The following IMMP2L variants were observed in gnomAD, a reference collection of about 807,000 sequenced individuals.
IMMP2L encodes the protein inner mitochondrial membrane peptidase subunit 2, also known as mitochondrial inner membrane protease subunit 2.
In IMMP2L, 18 loss-of-function variants were observed where a neutral mutation model predicts 19.3. The ratio of observed to expected loss-of-function variants is 0.93; its 90% CI spans 0.64 to 1.38. IMMP2L has a LOEUF of 1.38. Among genes scored for constraint, IMMP2L ranks in the 40% most tolerant of loss-of-function variants. The pLI, the probability that IMMP2L is intolerant of heterozygous loss-of-function variation, is 0.00. For missense variants in IMMP2L, 233 were observed against 218.2 expected (o/e 1.07, Z -0.43); for synonymous variants, 76 against 73.0 (o/e 1.04, Z -0.21).
intron 5 of IMMP2L, among the ~76,000 whole-genome samples, chr7:110,852,536 C>A (rs1471341127): frequency 1.3e-5 from 2 of 151,970 alleles, no homozygotes; most frequent in Non-Finnish European, 2.9e-5. Flanking sequence ...ATGTGCCAAT[C>A]CTCCCTTCAG....
At chr7:111,404,254 A>G (rs923060254) in intron 3 of IMMP2L, among the ~76,000 whole-genome samples, 26 of 152,166 alleles carry the variant, frequency 1.7e-4, no homozygotes, top group Admixed American at 1.3e-4. Context: ...GGTCACCACA[A>G]GAAGCTGAAA....
intron 3 of IMMP2L, among the ~76,000 whole-genome samples, chr7:111,250,402 T>C (rs753561306): frequency 6.6e-6 from 1 of 152,166 alleles, no homozygotes; most frequent in Non-Finnish European, 1.5e-5. Flanking sequence ...TAGAAGAAAC[T>C]ATTTTAAAAT....
At chr7:111,167,195 C>T (rs954453828) in intron 3 of IMMP2L, among the ~76,000 whole-genome samples, 1 of 151,954 alleles carries the variant, frequency 6.6e-6, no homozygotes, top group African/African-American at 2.4e-5. Flanking sequence ...ATGAACCACA[C>T]CTGCTCTCAT....
chr7:111,157,217 A>AC (rs1419959474), intron 3 of IMMP2L, among the ~76,000 whole-genome samples: 2 of 152,046 alleles, frequency 1.3e-5, no homozygotes, highest in Non-Finnish European at 2.9e-5. Context: ...CAGTACTCCC[A>AC]CTGCTGGGTA....
chr7:110,903,744 T>C lies in IMMP2L; in HGVS notation c.306-17049A>G, dbSNP rs554156589. On this transcript the variant is annotated intron_variant, in intron 4 of 5. Transcript: ENST00000405709. ...GAGTGCATATATTTCTTTAAGATGC[T>C]GATGCTGGATCATATAGTAGCTCTG... 2.7e-4 allele frequency among the ~76,000 whole-genome samples: 41 copies of C among 152,262 alleles called. 2 individuals carry two copies. The highest frequency in any genetic ancestry group is 8.7e-4 in the African/African-American group (36 of 41,544).
chr7:110,779,098 C>T (rs1528041), intron 5 of IMMP2L, among the ~76,000 whole-genome samples: 75,535 of 151,652 alleles, frequency 0.5, 19,236 homozygotes, highest in African/African-American at 0.6. Flanking sequence ...TACATTTTAA[C>T]AATCAATCAA....
At chr7:111,060,399 C>T (rs1793914300) in intron 3 of IMMP2L, among the ~76,000 whole-genome samples, 1 of 152,150 alleles carries the variant, frequency 6.6e-6, no homozygotes, top group South Asian at 2.1e-4. Flanking sequence ...TATAAATCTA[C>T]AAAATGAAAT....
chr7:110,939,770 C>T (rs1816534155), intron 4 of IMMP2L, among the ~76,000 whole-genome samples: 1 of 152,122 alleles, frequency 6.6e-6, no homozygotes, highest in African/African-American at 2.4e-5. Context: ...ATTGCATCAA[C>T]AATAGAACAT....
At chr7:111,204,885 T>C (rs1810535493) in intron 3 of IMMP2L, among the ~76,000 whole-genome samples, 1 of 152,224 alleles carries the variant, frequency 6.6e-6, no homozygotes, top group African/African-American at 2.4e-5. Flanking sequence ...AGTGTGACAA[T>C]ATAGTAATCA....
intron 3 of IMMP2L, among the ~76,000 whole-genome samples, chr7:111,237,621 TACTATG>T (rs1415256654): frequency 9.2e-5 from 14 of 151,920 alleles, no homozygotes; most frequent in African/African-American, 3.1e-4. Flanking sequence ...AATAAAGCAT[TACTATG>T]ACTATAATAT....
Position 111,091,672 on chromosome 7 carries a change from T to C in IMMP2L, c.240-128107A>G, listed in dbSNP as rs1796880101. On this transcript the variant is annotated intron_variant, in intron 3 of 5. Transcript: ENST00000405709. ...AAGAAATTCACATGCAAAACCCAGC[T>C]GGCTCTGTGTGTGCCTAGCTGTGTT... 2.0e-5 allele frequency among the ~76,000 whole-genome samples: 3 copies of C among 152,144 alleles called. No individual in the cohort carries two copies. The South Asian group carries it at 6.2e-4, about 31-fold the overall frequency.
intron 1 of IMMP2L, among the ~76,000 whole-genome samples, chr7:111,529,792 G>C (rs4730489): frequency 0.44 from 66,132 of 151,928 alleles, 14,847 homozygotes; most frequent in Non-Finnish European, 0.5. Context: ...TGGATACTAA[G>C]AGAAGAGAGG....
chr7:111,488,165 T>C (rs1405821323), intron 2 of IMMP2L, among the ~76,000 whole-genome samples: 1 of 152,186 alleles, frequency 6.6e-6, no homozygotes, highest in Non-Finnish European at 1.5e-5. Context: ...GATAGCCTTT[T>C]CACTGTTTTT....
intron 4 of IMMP2L, among the ~76,000 whole-genome samples, chr7:110,891,650 G>A (rs1327932347): frequency 6.6e-6 from 1 of 151,968 alleles, no homozygotes; most frequent in African/African-American, 2.4e-5. Flanking sequence ...AAAGTATAAA[G>A]GGAATTAAAT....
intron 3 of IMMP2L, among the ~76,000 whole-genome samples, chr7:111,405,616 G>T (rs1385346261): frequency 6.6e-6 from 1 of 152,052 alleles, no homozygotes; most frequent in Non-Finnish European, 1.5e-5. Flanking sequence ...TTGAAGTGAG[G>T]AGAAACATAA....
At position 111,542,167 on chromosome 7, in the gene IMMP2L, A is replaced by C. The variant is rs900644054; in HGVS notation, c.-3+19684T>G. Among the ~76,000 whole-genome samples the C allele has an allele frequency of 3.3e-5, 5 of 152,134 alleles. 1 individual carries two copies. Among genetic ancestry groups the C allele is most frequent in the Admixed American group, 3.3e-4 (5 of 15,278 alleles). On this transcript the variant is annotated intron_variant, in intron 1 of 5. Coordinates refer to ENST00000405709, the MANE Select transcript of IMMP2L (RefSeq NM_032549.4). ...TTGTTTCATTTTTAATAGAGTGATT[A>C]GCCATTCACAAAAATCAGTCAATAT...
intron 1 of IMMP2L, among the ~76,000 whole-genome samples, chr7:111,545,145 A>T (rs1282049501): frequency 6.6e-6 from 1 of 151,942 alleles, no homozygotes; most frequent in Admixed American, 6.6e-5. Flanking sequence ...TTAAATATTA[A>T]TTTTTTTTAA....
intron 3 of IMMP2L, among the ~76,000 whole-genome samples, chr7:111,178,179 G>A (rs1489734457): frequency 2.0e-5 from 3 of 151,970 alleles, no homozygotes; most frequent in Non-Finnish European, 2.9e-5. Context: ...AATAAAGCAA[G>A]TCATATAAAT....
Position 111,191,789 on chromosome 7 carries a change from T to C in IMMP2L, c.240-228224A>G, listed in dbSNP as rs1282857895. 1.3e-5 allele frequency among the ~76,000 whole-genome samples: 2 copies of C among 152,076 alleles called. 1 individual carries two copies. Among genetic ancestry groups the C allele is most frequent in the African/African-American group, 4.8e-5 (2 of 41,400 alleles). ...AGGGCACTTCAAGTTTCACATTCTT[T>C]CTATACACATCCCTCCACCCTACCT... On this transcript the variant is annotated intron_variant, in intron 3 of 5. Coordinates refer to ENST00000405709, the MANE Select transcript of IMMP2L (RefSeq NM_032549.4).
Sources: gnomAD v4.1 joint callset for allele counts (sites outside exome capture counted in the v4.1 genomes callset) on GRCh38, gnomAD v4.1.1 for gene constraint, MANE v1.5 for transcripts, NCBI Gene and HGNC (gene_info 2026-07-23, HGNC 2026-07-21) for gene names.